LHFPL6: variants seen among roughly 807,000 people sequenced by gnomAD.
LHFPL6 encodes the protein LHFPL tetraspan subfamily member 6 protein.
In LHFPL6, 9 loss-of-function variants were observed where a neutral mutation model predicts 20.6. The ratio of observed to expected loss-of-function variants is 0.44; its 90% CI spans 0.26 to 0.76. LHFPL6 has a LOEUF of 0.76. LHFPL6 is among the 30% of genes least tolerant of loss of function. The pLI, the probability that LHFPL6 is intolerant of heterozygous loss-of-function variation, is 0.20. For missense variants in LHFPL6, 218 were observed against 253.5 expected (o/e 0.86, Z 0.95); for synonymous variants, 105 against 98.7 (o/e 1.06, Z -0.38).
At chr13:39,589,391 G>A (rs1872540886) in intron 2 of LHFPL6, among the ~76,000 whole-genome samples, 3 of 152,046 alleles carry the variant, frequency 2.0e-5, no homozygotes, top group African/African-American at 7.3e-5. Flanking sequence ...TTACAGATGT[G>A]AGTCACCGCA....
intron 2 of LHFPL6, among the ~76,000 whole-genome samples, chr13:39,421,448 A>G (rs146784365): frequency 6.6e-6 from 1 of 152,196 alleles, no homozygotes; most frequent in Non-Finnish European, 1.5e-5. Flanking sequence ...CTGCATATTG[A>G]AATAATAAAA....
intron 2 of LHFPL6, among the ~76,000 whole-genome samples, chr13:39,459,104 T>C (rs1004652775): frequency 1.3e-5 from 2 of 152,028 alleles, no homozygotes; most frequent in South Asian, 2.1e-4. Flanking sequence ...CTTCCCACTA[T>C]GAAGCACAGG....
Position 39,589,653 on chromosome 13 carries a change from G to A in LHFPL6, c.385+11179C>T, listed in dbSNP as rs1872545923. Among the ~76,000 whole-genome samples, 17 of 152,064 alleles carry A rather than the reference G, an allele frequency of 1.1e-4. No individual in the cohort carries two copies. In the South Asian group the frequency reaches 3.5e-3, roughly 32 times the overall value. Reference sequence around the variant, plus strand: ...CTTCATTTTTAAAGACAGACACAAAGCCTTTGGTTTTGTTATTTAAGAAAT... The same window carrying A: ...CTTCATTTTTAAAGACAGACACAAAACCTTTGGTTTTGTTATTTAAGAAAT... On this transcript the variant is annotated intron_variant, in intron 2 of 3. Coordinates refer to ENST00000379589, the MANE Select transcript of LHFPL6 (RefSeq NM_005780.3).
At chr13:39,552,238 T>A (rs923476059) in intron 2 of LHFPL6, among the ~76,000 whole-genome samples, 1 of 152,180 alleles carries the variant, frequency 6.6e-6, no homozygotes, top group African/African-American at 2.4e-5. Context: ...ACACATACCC[T>A]TGAAGCCTGT....
In LHFPL6 at chr13:39,569,165, G is replaced by GGACGGACGGACGGACA. The variant is rs1361439444; in HGVS notation, c.385+31666_385+31667insTGTCCGTCCGTCCGTC. On this transcript the variant is annotated intron_variant, in intron 2 of 3. Coordinates refer to ENST00000379589, the MANE Select transcript of LHFPL6 (RefSeq NM_005780.3). ...TGGATGGATGGACGGACGGATGGAT[G>GGACGGACGGACGGACA]GATGGATGGATGGATGGATGGATGG... Among the ~76,000 whole-genome samples, 2 of 57,206 alleles carry GGACGGACGGACGGACA rather than the reference G, an allele frequency of 3.5e-5. 1 individual carries two copies. The highest frequency in any genetic ancestry group is 7.9e-5 in the Non-Finnish European group (2 of 25,350). The allele number at this position is 57,206 out of a possible 152,430, so 37.5% of individuals were successfully genotyped here.
At chr13:39,437,156 T>C (rs1871980148) in intron 2 of LHFPL6, among the ~76,000 whole-genome samples, 1 of 152,220 alleles carries the variant, frequency 6.6e-6, no homozygotes, top group South Asian at 2.1e-4. Flanking sequence ...TAATTCTAGA[T>C]TTTACCTCTC....
At chr13:39,400,782 CAAAAAAAA>C (rs34833321) in intron 2 of LHFPL6, among the ~76,000 whole-genome samples, 3 of 53,494 alleles carry the variant, frequency 5.6e-5, no homozygotes, top group African/African-American at 8.8e-5. Flanking sequence ...GACTCCGTCT[CAAAAAAAA>C]AAAAAAAAAA....
At chr13:39,556,435 T>C (rs73466898) in intron 2 of LHFPL6, among the ~76,000 whole-genome samples, 2,630 of 152,166 alleles carry the variant, frequency 0.017, 73 homozygotes, top group African/African-American at 0.06. Context: ...ATAAGGAAGT[T>C]ATTGGGAACT....
At chr13:39,420,323 T>C (rs756941847) in intron 2 of LHFPL6, among the ~76,000 whole-genome samples, 9 of 152,220 alleles carry the variant, frequency 5.9e-5, no homozygotes, top group Non-Finnish European at 8.8e-5. Flanking sequence ...GTTTGGTTAA[T>C]GGATCATTCA....
At position 39,378,457 on chromosome 13, in the gene LHFPL6, C is replaced by A. The variant is rs2138359630; in HGVS notation, c.455G>T (p.Cys152Phe). The A allele has an allele frequency of 6.2e-7, 1 of 1,614,012 alleles. No individual in the cohort carries two copies. Among genetic ancestry groups the A allele is most frequent in the African/African-American group, 1.3e-5 (1 of 75,034 alleles). ...GWDSEEVRQT[C>F]GYTSGQFDLG... Reference sequence around the variant, plus strand: ...GTCAAACTGGCCAGAAGTGTAGCCACAAGTCTGCCGGACTTCCTCACTGTC... The same window carrying A: ...GTCAAACTGGCCAGAAGTGTAGCCAAAAGTCTGCCGGACTTCCTCACTGTC... The change falls in exon 3 of 4, where the codon TGT becomes TTT. Residue 152 changes from cysteine (C) to phenylalanine (F), a missense_variant. Physicochemically the swap from Cys to Phe is radical, Grantham distance 205. Coordinates refer to ENST00000379589, the MANE Select transcript of LHFPL6 (RefSeq NM_005780.3).
intron 2 of LHFPL6, among the ~76,000 whole-genome samples, chr13:39,469,585 G>C (rs12583316): frequency 0.093 from 14,205 of 151,992 alleles, 1,260 homozygotes; most frequent in East Asian, 0.51. Context: ...TTAGTGCTCA[G>C]GACTGAAAAT....
intron 2 of LHFPL6, among the ~76,000 whole-genome samples, chr13:39,393,658 C>T (rs1593296351): frequency 6.6e-6 from 1 of 152,132 alleles, no homozygotes; most frequent in African/African-American, 2.4e-5. Flanking sequence ...GGAAGTTGGC[C>T]TTTACGTAGT....
chr13:39,476,722 A>G (rs190088145), intron 2 of LHFPL6, among the ~76,000 whole-genome samples: 8 of 152,340 alleles, frequency 5.3e-5, no homozygotes, highest in Admixed American at 5.2e-4. Context: ...TGTAAACCAT[A>G]TTTACCAAGG....
At chr13:39,593,868 G>C (rs1376202139) in intron 2 of LHFPL6, among the ~76,000 whole-genome samples, 3 of 152,178 alleles carry the variant, frequency 2.0e-5, no homozygotes, top group Non-Finnish European at 4.4e-5. Flanking sequence ...AATGGGGAAA[G>C]GATTCGCTAT....
intron 2 of LHFPL6, among the ~76,000 whole-genome samples, chr13:39,402,663 C>T (rs73456942): frequency 0.093 from 14,196 of 152,188 alleles, 764 homozygotes; most frequent in African/African-American, 0.14. Context: ...TAAAAGAGCA[C>T]AGAAAATGCA....
At chr13:39,362,435 C>A (rs577927014) in intron 3 of LHFPL6, among the ~76,000 whole-genome samples, 6 of 152,336 alleles carry the variant, frequency 3.9e-5, no homozygotes, top group African/African-American at 1.2e-4. Context: ...TAAAAATTAC[C>A]CAGTCTCAGG....
intron 3 of LHFPL6, among the ~76,000 whole-genome samples, chr13:39,354,710 C>G (rs1869681057): frequency 6.6e-6 from 1 of 152,082 alleles, no homozygotes; most frequent in Non-Finnish European, 1.5e-5. Context: ...AAGAAAGAAC[C>G]AAACTGAACT....
intron 2 of LHFPL6, among the ~76,000 whole-genome samples, chr13:39,568,422 T>C (rs1871798196): frequency 6.6e-6 from 1 of 152,080 alleles, no homozygotes; most frequent in African/African-American, 2.4e-5. Context: ...ATTCTGAAAA[T>C]ATTGCTTCTA....
At chr13:39,535,005 A>G (rs1870573018) in intron 2 of LHFPL6, among the ~76,000 whole-genome samples, 1 of 152,206 alleles carries the variant, frequency 6.6e-6, no homozygotes, top group Admixed American at 6.5e-5. Context: ...CCAAGCCTCT[A>G]GAGGATGATC....
Sources: gnomAD v4.1 joint callset for allele counts (sites outside exome capture counted in the v4.1 genomes callset) on GRCh38, gnomAD v4.1.1 for gene constraint, MANE v1.5 for transcripts, NCBI Gene and HGNC (gene_info 2026-07-23, HGNC 2026-07-21) for gene names.